The following FILIP1L variants were observed in gnomAD, a reference collection of about 807,000 sequenced individuals.
FILIP1L encodes filamin A interacting protein 1 like, also known as filamin A-interacting protein 1-like.
A neutral mutation model predicts 96.6 loss-of-function variants in FILIP1L; 55 were observed. The ratio of observed to expected loss-of-function variants is 0.57; its 90% confidence interval spans 0.46 to 0.71. The LOEUF (loss-of-function observed/expected upper bound fraction) is 0.71, where lower values mean the gene tolerates loss of function less well. Ranked by LOEUF, FILIP1L falls within the 30% of genes least tolerant of loss-of-function variation. The pLI, the probability that FILIP1L is intolerant of heterozygous loss-of-function variation, is 0.00. For synonymous variants in FILIP1L, 467 were observed against 473.9 expected, an observed-to-expected ratio of 0.99 and a Z score of 0.19; for missense variants, 1,304 against 1,321.2, an observed-to-expected ratio of 0.99 and a Z score of 0.20.
intron 1 of FILIP1L, among the ~76,000 whole-genome samples, chr3:99,987,119 A>G (rs1709364274): frequency 6.6e-6 from 1 of 151,820 alleles, no homozygotes; most frequent in South Asian, 2.1e-4. Context: ...AGTTCCACCT[A>G]CTCAGGAGGC....
chr3:99,903,014 A>T (rs1346230086), intron 4 of FILIP1L, among the ~76,000 whole-genome samples: 1 of 152,314 alleles, frequency 6.6e-6, no homozygotes, highest in East Asian at 1.9e-4. Context: ...AAGGATATAA[A>T]CAAATGGTCA....
chr3:100,087,683 T>G (rs2107422497), intron 1 of FILIP1L, among the ~76,000 whole-genome samples: 1 of 152,274 alleles, frequency 6.6e-6, no homozygotes, highest in East Asian at 1.9e-4. Flanking sequence ...GGTTTGCCAT[T>G]TCATTATATT....
At chr3:99,861,298 C>G (rs113385501) in intron 4 of FILIP1L, among the ~76,000 whole-genome samples, 1 of 152,214 alleles carries the variant, frequency 6.6e-6, no homozygotes, top group African/African-American at 2.4e-5. Flanking sequence ...CCTACCTGGG[C>G]CTTCCACAGC....
At chr3:100,022,827 A>G (rs2064850589) in intron 1 of FILIP1L, among the ~76,000 whole-genome samples, 1 of 152,164 alleles carries the variant, frequency 6.6e-6, no homozygotes, top group Admixed American at 6.5e-5. Context: ...AGGCAAAGAG[A>G]GTTGAGGTCC....
chr3:99,961,631 AACCGAT>A (rs1708493886), intron 1 of FILIP1L, among the ~76,000 whole-genome samples: 2 of 152,170 alleles, frequency 1.3e-5, no homozygotes, highest in African/African-American at 2.4e-5. Flanking sequence ...GGCTCCTGGG[AACCGAT>A]ACCTTTGGCC....
At chr3:100,063,482 T>A (rs2065609059) in intron 1 of FILIP1L, among the ~76,000 whole-genome samples, 1 of 152,120 alleles carries the variant, frequency 6.6e-6, no homozygotes, top group African/African-American at 2.4e-5. Context: ...TTTCTCCAGG[T>A]GAATTTACTT....
Position 100,109,087 on chromosome 3 carries a change from T to TAA in FILIP1L, c.-11+4964_-11+4965dup, listed in dbSNP as rs5851196. On this transcript the variant is annotated intron_variant, in intron 1 of 5. Coordinates refer to ENST00000477258, the MANE Select transcript of FILIP1L (RefSeq NM_001387850.1). ...AGGATGATCGTTTTTAACTGTCTCT[T>TAA]AAAAAAAAAAAAAAGCATATTTCTC... Among the ~76,000 whole-genome samples the TAA allele has an allele frequency of 5.5e-5, 8 of 144,898 alleles. No homozygotes were observed. In the South Asian group the frequency reaches 1.7e-3, roughly 32 times the overall value.
chr3:99,958,543 G>T (rs77211113), intron 1 of FILIP1L, among the ~76,000 whole-genome samples: 1 of 152,180 alleles, frequency 6.6e-6, no homozygotes, highest in African/African-American at 2.4e-5. Flanking sequence ...CCACAGAAGG[G>T]TAGGAGGAAT....
chr3:99,889,269 AT>A (rs1380238324), intron 4 of FILIP1L, among the ~76,000 whole-genome samples: 1 of 152,122 alleles, frequency 6.6e-6, no homozygotes, highest in Non-Finnish European at 1.5e-5. Context: ...TGCTTTACAT[AT>A]TTTTAGATGC....
intron 1 of FILIP1L, among the ~76,000 whole-genome samples, chr3:99,992,954 G>T (rs984740716): frequency 5.3e-5 from 8 of 151,974 alleles, no homozygotes; most frequent in African/African-American, 1.9e-4. Flanking sequence ...TGTTGACCTT[G>T]TCAAAGATCA....
intron 4 of FILIP1L, among the ~76,000 whole-genome samples, chr3:99,886,101 A>G (rs1190944325): frequency 2.7e-5 from 4 of 147,938 alleles, no homozygotes; most frequent in Middle Eastern, 3.3e-3. Flanking sequence ...AGAACACTCT[A>G]TGTGTGCACA....
intron 1 of FILIP1L, chr3:100,051,249 G>C (rs1329411755): frequency 1.3e-5 from 2 of 151,618 alleles, no homozygotes; most frequent in Non-Finnish European, 2.9e-5. Context: ...AAACTCATTT[G>C]GACACCCACC....
chr3:100,048,192 G>C (rs1171969524), intron 1 of FILIP1L, among the ~76,000 whole-genome samples: 1 of 152,172 alleles, frequency 6.6e-6, no homozygotes, highest in Non-Finnish European at 1.5e-5. Flanking sequence ...CTCAGGGAAG[G>C]GGACAGATAG....
intron 4 of FILIP1L, among the ~76,000 whole-genome samples, chr3:99,888,225 G>A (rs1436885958): frequency 6.6e-6 from 1 of 151,968 alleles, no homozygotes; most frequent in Non-Finnish European, 1.5e-5. Context: ...GCTGTCAGAG[G>A]GCCAGGCATT....
At chr3:100,000,920 G>A (rs751564078) in intron 1 of FILIP1L, among the ~76,000 whole-genome samples, 37 of 152,174 alleles carry the variant, frequency 2.4e-4, no homozygotes, top group Non-Finnish European at 4.7e-4. Context: ...TTGACCTACG[G>A]CAAGACACTT....
In FILIP1L at chr3:99,948,565, A is replaced by C. The variant is rs762595998; in HGVS notation, c.-10-17535T>G. Among the ~76,000 whole-genome samples the C allele has an allele frequency of 2.1e-5, 3 of 141,436 alleles. No homozygotes were observed. The East Asian group carries it at 6.5e-4, about 31-fold the overall frequency. 92.8% of individuals were successfully genotyped at this position (141,436 alleles called of 152,430 possible). On this transcript the variant is annotated intron_variant, in intron 1 of 5. Coordinates refer to ENST00000477258, the MANE Select transcript of FILIP1L (RefSeq NM_001387850.1). Reference sequence around the variant, plus strand: ...GGAGGGGGAGGGGGAGAAGAAGGAGAAGGCGAAGGAGAAGAAAGGAGGGAG... The same window carrying C: ...GGAGGGGGAGGGGGAGAAGAAGGAGCAGGCGAAGGAGAAGAAAGGAGGGAG...
intron 4 of FILIP1L, among the ~76,000 whole-genome samples, chr3:99,913,505 T>C (rs915606946): frequency 1.3e-5 from 2 of 152,170 alleles, no homozygotes; most frequent in African/African-American, 4.8e-5. Flanking sequence ...GAATGTTTAA[T>C]AGGAAATAAA....
At chr3:99,843,479 G>A in intron 5 of FILIP1L, among the ~76,000 whole-genome samples, 1 of 152,342 alleles carries the variant, frequency 6.6e-6, no homozygotes, top group East Asian at 1.9e-4. Context: ...GTAATTTAAA[G>A]AGAGGGACTA....
intron 4 of FILIP1L, among the ~76,000 whole-genome samples, chr3:99,858,261 C>G (rs188492503): frequency 1.5e-4 from 23 of 152,026 alleles, no homozygotes; most frequent in African/African-American, 4.8e-4. Flanking sequence ...GTGAGGAGAT[C>G]GAGACCATCC....
Sources: gnomAD v4.1 joint callset for allele counts (sites outside exome capture counted in the v4.1 genomes callset) on GRCh38, gnomAD v4.1.1 for gene constraint, MANE v1.5 for transcripts, NCBI Gene and HGNC (gene_info 2026-07-23, HGNC 2026-07-21) for gene names.